Variants in PHF8 observed in about 807,000 individuals in gnomAD.
The protein encoded by PHF8 is PHD finger protein 8.
A neutral mutation model predicts 74.4 loss-of-function variants in PHF8; 9 were observed. The ratio of observed to expected loss-of-function variants is 0.12; its 90% confidence interval spans 0.07 to 0.21. The LOEUF is 0.21. Among genes scored for constraint, PHF8 ranks in the 10% least tolerant of loss-of-function variants. The pLI, the probability that PHF8 is intolerant of heterozygous loss-of-function variation, is 1.00. For synonymous variants in PHF8, 311 were observed against 316.6 expected (o/e 0.98, Z 0.19); for missense variants, 478 against 816.6 (o/e 0.59, Z 5.05).
chrX:54,035,540 G>A (rs2066438582), intron 2 of PHF8, among the ~76,000 whole-genome samples: 1 of 110,643 alleles, frequency 9.0e-6, no homozygotes, highest in Non-Finnish European at 1.9e-5. Flanking sequence ...CCAGCACTTT[G>A]GGAGGCTGAG....
chrX:53,960,956 A>T (rs1216932575), intron 19 of PHF8, among the ~76,000 whole-genome samples: 3 of 110,365 alleles, frequency 2.7e-5, no homozygotes, highest in Non-Finnish European at 5.7e-5. Context: ...AACCAGAAAA[A>T]TTTACTTTGA....
Position 53,938,649 on chromosome X carries a change from C to T in PHF8, c.*509G>A, listed in dbSNP as rs2064702681. The T allele has an allele frequency of 2.6e-6, 2 of 756,408 alleles. No homozygotes were observed. Among genetic ancestry groups the T allele is most frequent in the African/African-American group, 2.3e-5 (1 of 43,353 alleles). 62.3% of individuals were successfully genotyped at this position (756,408 alleles called of 1,213,427 possible). A position where few individuals can be genotyped will look rare whatever the true frequency, so the allele number is the denominator to read the frequency against. On this transcript the variant is annotated 3_prime_UTR_variant, in exon 22 of 22. Coordinates refer to ENST00000338154, the MANE Select transcript of PHF8 (RefSeq NM_015107.3). Reference sequence around the variant, plus strand: ...GGCAAGAGGGGGCAGAGACCACAGCCTTCTCCCATGAGCAAGTCTGGAGGT... The same window carrying T: ...GGCAAGAGGGGGCAGAGACCACAGCTTTCTCCCATGAGCAAGTCTGGAGGT...
At chrX:53,998,824 T>C (rs1267290413) in intron 11 of PHF8, among the ~76,000 whole-genome samples, 1 of 111,724 alleles carries the variant, frequency 9.0e-6, no homozygotes, top group Non-Finnish European at 1.9e-5. Flanking sequence ...ACTTTGGCAG[T>C]ATGCATCAAG....
chrX:53,952,887 C>CA (rs781901722), intron 19 of PHF8, among the ~76,000 whole-genome samples: 8,425 of 44,674 alleles, frequency 0.19, 614 homozygotes, highest in African/African-American at 0.31. Flanking sequence ...GACTCTGCCT[C>CA]AAAAAAAAAA....
chrX:53,950,003 A>G (rs782446726), intron 19 of PHF8, among the ~76,000 whole-genome samples: 164 of 110,435 alleles, frequency 1.5e-3, no homozygotes, highest in African/African-American at 5.0e-3. Flanking sequence ...AACAACAAAA[A>G]AACTAGCAAA....
chrX:54,044,947 C>T, upstream of PHF8: 1 of 1,042,654 alleles, frequency 9.6e-7, no homozygotes, highest in Non-Finnish European at 1.3e-6. Flanking sequence ...TTGGTTCTTC[C>T]CCCTGTGAAG....
chrX:53,944,332 T>G (rs1474910289), intron 19 of PHF8, 89 bp from the exon 20 acceptor site: 29 of 639,606 alleles, frequency 4.5e-5, no homozygotes, highest in Non-Finnish European at 6.7e-5. Context: ...CCAAAGGTAC[T>G]CTCATTGGTC....
At chrX:53,973,255 T>C (rs782657625) in intron 18 of PHF8, among the ~76,000 whole-genome samples, 4 of 111,975 alleles carry the variant, frequency 3.6e-5, no homozygotes, top group Non-Finnish European at 5.6e-5. Context: ...GCTATTCCCA[T>C]TAAACCACTA....
upstream of PHF8, among the ~76,000 whole-genome samples, chrX:54,047,329 T>A (rs1434057483): frequency 8.9e-6 from 1 of 112,314 alleles, no homozygotes; most frequent in African/African-American, 3.2e-5. Context: ...TGCCACTGAA[T>A]GAACTGGGCT....
chrX:53,938,142 G>A lies in PHF8; in HGVS notation c.*1016C>T. On this transcript the variant is annotated 3_prime_UTR_variant, in exon 22 of 22. Transcript: ENST00000338154. ...AGACCTCAGGTGGAGAAAGAAGCATGAAAAGTTCCCGATGGAGGACCCAGG... is the reference window on the plus strand; with the variant it reads ...AGACCTCAGGTGGAGAAAGAAGCATAAAAAGTTCCCGATGGAGGACCCAGG... 7.0e-6 allele frequency: 8 copies of A among 1,135,340 alleles called. No homozygotes were observed. The highest frequency in any genetic ancestry group is 9.3e-6 in the Non-Finnish European group (8 of 857,316). 93.6% of individuals were successfully genotyped at this position (1,135,340 alleles called of 1,213,427 possible).
intron 20 of PHF8, chrX:53,943,247 C>A: frequency 2.1e-6 from 2 of 942,350 alleles, no homozygotes; most frequent in Non-Finnish European, 1.4e-6. Context: ...GATTTAAACA[C>A]TATTTAAATA....
intron 18 of PHF8, among the ~76,000 whole-genome samples, chrX:53,973,144 G>A (rs1283647960): frequency 4.5e-5 from 5 of 111,864 alleles, no homozygotes; most frequent in African/African-American, 1.6e-4. Context: ...AAGGAAATGA[G>A]AGAGGACACC....
intron 19 of PHF8, among the ~76,000 whole-genome samples, chrX:53,945,642 A>G (rs1557084973): frequency 9.0e-6 from 1 of 111,319 alleles, no homozygotes; most frequent in East Asian, 2.8e-4. Flanking sequence ...CCATATTCTC[A>G]GCTTCTCCAG....
At chrX:53,952,145 G>A (rs955074555) in intron 19 of PHF8, among the ~76,000 whole-genome samples, 2 of 110,009 alleles carry the variant, frequency 1.8e-5, no homozygotes, top group East Asian at 2.9e-4. Flanking sequence ...TTAGCCAGGC[G>A]TGGTGGCAGG....
At chrX:54,020,213 C>T (rs2066146917) in intron 4 of PHF8, among the ~76,000 whole-genome samples, 1 of 111,756 alleles carries the variant, frequency 8.9e-6, no homozygotes, top group Non-Finnish European at 1.9e-5. Context: ...TAAAATAAAA[C>T]AAACAAACAA....
At chrX:53,965,139 A>G (rs1378137655) in intron 18 of PHF8, among the ~76,000 whole-genome samples, 7 of 112,071 alleles carry the variant, frequency 6.2e-5, no homozygotes, top group Non-Finnish European at 1.3e-4. Flanking sequence ...TTTTACCAAA[A>G]AAAAAGAACA....
chrX:53,999,704 G>T (rs1045320891), intron 11 of PHF8, 166 bp downstream of exon 11: 8 of 436,711 alleles, frequency 1.8e-5, no homozygotes, highest in African/African-American at 1.2e-4. Flanking sequence ...TCATCAGAAA[G>T]AAAGATTTTA....
At chrX:54,025,414 G>A (rs1462072707) in intron 2 of PHF8, among the ~76,000 whole-genome samples, 1 of 109,215 alleles carries the variant, frequency 9.2e-6, no homozygotes, top group Non-Finnish European at 1.9e-5. Flanking sequence ...CTACCCTTGT[G>A]TAAGAGCTCC....
chrX:53,958,134 C>T (rs1199252892), intron 19 of PHF8, among the ~76,000 whole-genome samples: 6 of 108,936 alleles, frequency 5.5e-5, no homozygotes, highest in African/African-American at 2.0e-4. Context: ...CGCCACCTCC[C>T]GGGTTCAAGC....
Sources: gnomAD v4.1 joint callset for allele counts (sites outside exome capture counted in the v4.1 genomes callset) on GRCh38, gnomAD v4.1.1 for gene constraint, MANE v1.5 for transcripts, NCBI Gene and HGNC (gene_info 2026-07-23, HGNC 2026-07-21) for gene names.